CLNK: variants seen among roughly 807,000 people sequenced by gnomAD.
The protein encoded by CLNK is cytokine dependent hematopoietic cell linker.
CLNK carries 74 observed loss-of-function variants against 68.6 expected under a neutral mutation model. The ratio of observed to expected loss-of-function variants is 1.08; its 90% CI spans 0.89 to 1.31. The LOEUF (loss-of-function observed/expected upper bound fraction) is 1.31, where lower values mean the gene tolerates loss of function less well. CLNK is among the 50% of genes most tolerant of loss of function. The pLI is 0.00. For missense variants in CLNK, 553 were observed against 515.3 expected (o/e 1.07, Z -0.71); for synonymous variants, 198 against 172.2 (o/e 1.15, Z -1.17).
chr4:10,532,328 A>T (rs766371539), intron 11 of CLNK, 45 bp from the exon 12 acceptor site: 28 of 1,507,320 alleles, frequency 1.9e-5, no homozygotes, highest in Non-Finnish European at 2.4e-5. Flanking sequence ...ACAGTTCATA[A>T]TGACCAAGAT....
At chr4:10,674,780 G>T (rs1724804907) in intron 1 of CLNK, among the ~76,000 whole-genome samples, 1 of 152,152 alleles carries the variant, frequency 6.6e-6, no homozygotes, top group African/African-American at 2.4e-5. Flanking sequence ...GTAATTTGTG[G>T]TTTGAAAATG....
intron 2 of CLNK, among the ~76,000 whole-genome samples, chr4:10,638,643 A>T (rs558171977): frequency 2.0e-5 from 3 of 152,338 alleles, no homozygotes; most frequent in African/African-American, 7.2e-5. Flanking sequence ...TCCTTGATGA[A>T]TTAAAGCTAG....
chr4:10,577,783 GA>G lies in CLNK; in HGVS notation c.113-6006del, dbSNP rs113306981. The stretch of plus-strand genomic sequence containing the variant: ...TTACCTTGGGACTTGACTTACATAA[GA>G]AAAAAAAAAAATAAACGTCTATCGT... On this transcript the variant is annotated intron_variant, in intron 4 of 18. Transcript: ENST00000226951. 1.9e-3 allele frequency among the ~76,000 whole-genome samples: 275 copies of G among 141,204 alleles called. 4 individuals carry two copies. Among genetic ancestry groups the G allele is most frequent in the Admixed American group, 7.7e-3 (109 of 14,128 alleles). The allele number at this position is 141,204 out of a possible 152,430, so 92.6% of individuals were successfully genotyped here.
upstream of CLNK, among the ~76,000 whole-genome samples, chr4:10,686,349 T>C (rs1355976912): frequency 6.6e-6 from 1 of 152,036 alleles, no homozygotes; most frequent in Non-Finnish European, 1.5e-5. Flanking sequence ...GTTAGGACTT[T>C]AACAAATGAA....
intron 2 of CLNK, among the ~76,000 whole-genome samples, chr4:10,605,060 A>C (rs1721733582): frequency 6.6e-6 from 1 of 152,236 alleles, no homozygotes; most frequent in Non-Finnish European, 1.5e-5. Flanking sequence ...TCAAGACTGC[A>C]CCATAAAAAG....
intron 3 of CLNK, among the ~76,000 whole-genome samples, chr4:10,591,045 C>T (rs928778751): frequency 2.0e-5 from 3 of 152,068 alleles, no homozygotes; most frequent in African/African-American, 7.2e-5. Flanking sequence ...AAAGGTGGAG[C>T]GTTTGCACCA....
Position 10,598,020 on chromosome 4 carries a change from G to T in CLNK, c.41C>A (p.Ser14Tyr), listed in dbSNP as rs978783701. ...QGNRKTTKEG[S>Y]NDLKFQNFSL... ...GAAGTTCTGGAATTTCAAATCGTTG[G>T]ATCCTTCTTTAGTTGTCTTTCTATT... Residue 14 changes from serine to tyrosine, a missense_variant, in exon 3 of 19, where the codon TCC becomes TAC. Coordinates refer to ENST00000226951, the MANE Select transcript of CLNK (RefSeq NM_052964.4). The T allele has an allele frequency of 1.8e-5, 29 of 1,589,202 alleles. No homozygotes were observed. The highest frequency in any genetic ancestry group is 2.4e-5 in the Non-Finnish European group (28 of 1,166,216).
chr4:10,540,336 TA>T (rs1435611558), intron 11 of CLNK, among the ~76,000 whole-genome samples, 157 bp downstream of exon 11: 2 of 152,206 alleles, frequency 1.3e-5, no homozygotes, highest in Non-Finnish European at 2.9e-5. Flanking sequence ...CTTTTCTTTA[TA>T]AATTACCCAG....
At chr4:10,553,480 C>T (rs1489506070) in intron 8 of CLNK, among the ~76,000 whole-genome samples, 1 of 151,358 alleles carries the variant, frequency 6.6e-6, no homozygotes, top group Non-Finnish European at 1.5e-5. Context: ...GATACAGAGT[C>T]TTGCTCTGTC....
chr4:10,697,694 T>G, the CLNK span: 1 of 152,362 alleles, frequency 6.6e-6, no homozygotes, highest in Admixed American at 6.5e-5. Flanking sequence ...AATTTGCTTT[T>G]AATTTTCTGT....
chr4:10,604,928 A>G (rs926718405), intron 2 of CLNK, among the ~76,000 whole-genome samples: 5 of 152,248 alleles, frequency 3.3e-5, no homozygotes, highest in African/African-American at 1.2e-4. Context: ...TGTGATTAAT[A>G]TTTAAATCAG....
chr4:10,650,389 A>G (rs1268230483), intron 2 of CLNK, among the ~76,000 whole-genome samples: 1 of 152,130 alleles, frequency 6.6e-6, no homozygotes, highest in African/African-American at 2.4e-5. Context: ...AAAATAGAGA[A>G]TCAGGATATC....
chr4:10,493,947 T>A (rs1716700917), intron 18 of CLNK, among the ~76,000 whole-genome samples: 1 of 152,218 alleles, frequency 6.6e-6, no homozygotes, highest in Admixed American at 6.5e-5. Flanking sequence ...AGTACAGCAT[T>A]CAGAAGAAAG....
At chr4:10,512,944 C>T (rs2868942) in intron 16 of CLNK, among the ~76,000 whole-genome samples, 48,836 of 151,906 alleles carry the variant, frequency 0.32, 7,898 homozygotes, top group African/African-American at 0.37. Flanking sequence ...GACAGACACA[C>T]AAGAACACAG....
chr4:10,541,182 C>T (rs1404012889), intron 10 of CLNK, among the ~76,000 whole-genome samples: 6 of 146,674 alleles, frequency 4.1e-5, no homozygotes, highest in African/African-American at 1.5e-4. Context: ...CCACCTCACT[C>T]CAGCCTGGGC....
the CLNK span, among the ~76,000 whole-genome samples, chr4:10,722,821 G>A: frequency 6.6e-6 from 1 of 152,122 alleles, no homozygotes; most frequent in African/African-American, 2.4e-5. Flanking sequence ...AGGCCGAGGC[G>A]GGTGGATCAC....
intron 11 of CLNK, among the ~76,000 whole-genome samples, chr4:10,537,637 C>CTCTTTCTTTCTTTCTT (rs57141867): frequency 1.7e-4 from 13 of 76,244 alleles, no homozygotes; most frequent in African/African-American, 6.4e-4. Flanking sequence ...TTCTTTCTTT[C>CTCTTTCTTTCTTTCTT]TCTTTCTTTC....
chr4:10,636,772 A>G (rs1192633176), intron 2 of CLNK, among the ~76,000 whole-genome samples: 2 of 152,140 alleles, frequency 1.3e-5, no homozygotes, highest in Non-Finnish European at 1.5e-5. Flanking sequence ...ATTTGGAAGG[A>G]TGGAGGTTGC....
chr4:10,705,379 C>T, the CLNK span, among the ~76,000 whole-genome samples: 2 of 152,146 alleles, frequency 1.3e-5, no homozygotes, highest in South Asian at 4.1e-4. Flanking sequence ...GTGGCTTAAA[C>T]AATACAGTTT....
Sources: gnomAD v4.1 joint callset for allele counts (sites outside exome capture counted in the v4.1 genomes callset) on GRCh38, gnomAD v4.1.1 for gene constraint, MANE v1.5 for transcripts, NCBI Gene and HGNC (gene_info 2026-07-23, HGNC 2026-07-21) for gene names.